Variants in PLPPR1 observed in about 807,000 individuals in gnomAD.
The protein encoded by PLPPR1 is phospholipid phosphatase-related protein type 1.
Under a neutral mutation model 33.1 loss-of-function variants are expected in PLPPR1, and 10 were observed. The ratio of observed to expected loss-of-function variants is 0.30; its 90% CI spans 0.19 to 0.51. The LOEUF is 0.51. Ranked by LOEUF, PLPPR1 falls within the 20% of genes least tolerant of loss-of-function variation. The pLI is 0.97. For synonymous variants in PLPPR1, 151 were observed against 151.0 expected (o/e 1.00, Z 0.00); for missense variants, 304 against 408.1 (o/e 0.74, Z 2.20).
intron 1 of PLPPR1, among the ~76,000 whole-genome samples, chr9:101,134,496 C>T (rs1034687299): frequency 6.6e-6 from 1 of 151,904 alleles, no homozygotes. Flanking sequence ...GATCCTCCTA[C>T]CTCAGCCTCC....
intron 2 of PLPPR1, among the ~76,000 whole-genome samples, chr9:101,200,995 G>C (rs1041260979): frequency 1.3e-5 from 2 of 152,138 alleles, no homozygotes; most frequent in African/African-American, 4.8e-5. Flanking sequence ...ATTTTTCATG[G>C]TTCTGGAGGC....
chr9:101,188,584 T>TAAAG (rs1826243980), intron 2 of PLPPR1, among the ~76,000 whole-genome samples: 1 of 152,058 alleles, frequency 6.6e-6, no homozygotes, highest in Non-Finnish European at 1.5e-5. Flanking sequence ...TTGCCGACTT[T>TAAAG]AAAGAAAATA....
At chr9:101,078,475 T>C (rs567000491) in intron 1 of PLPPR1, among the ~76,000 whole-genome samples, 1 of 152,182 alleles carries the variant, frequency 6.6e-6, no homozygotes, top group South Asian at 2.1e-4. Flanking sequence ...ATCAAATTTG[T>C]GTGTGCTTCT....
At chr9:101,210,245 T>C (rs1175301545) in intron 2 of PLPPR1, among the ~76,000 whole-genome samples, 1 of 152,204 alleles carries the variant, frequency 6.6e-6, no homozygotes, top group African/African-American at 2.4e-5. Flanking sequence ...AAGAAATTAA[T>C]GTAGCCCCTG....
intron 1 of PLPPR1, among the ~76,000 whole-genome samples, chr9:101,159,592 A>G (rs1831746463): frequency 6.6e-6 from 1 of 152,172 alleles, no homozygotes; most frequent in South Asian, 2.1e-4. Context: ...ACACTACTTT[A>G]TTTCTAAATG....
At chr9:101,087,811 C>T (rs1319164624) in intron 1 of PLPPR1, among the ~76,000 whole-genome samples, 2 of 152,126 alleles carry the variant, frequency 1.3e-5, no homozygotes, top group African/African-American at 2.4e-5. Context: ...GTGAGAGTGA[C>T]TATTTGGTAT....
chr9:101,311,198 G>C (rs1401427215), intron 5 of PLPPR1, among the ~76,000 whole-genome samples: 1 of 152,134 alleles, frequency 6.6e-6, no homozygotes, highest in Admixed American at 6.5e-5. Context: ...CAACAAATGA[G>C]ATACGAAGTT....
chr9:101,147,278 C>T (rs1831532393), intron 1 of PLPPR1, among the ~76,000 whole-genome samples: 1 of 152,018 alleles, frequency 6.6e-6, no homozygotes, highest in Admixed American at 6.6e-5. Context: ...AGTAAGGGCT[C>T]CTTGTGAGAA....
At chr9:101,314,398 C>T (rs1432169708) in intron 6 of PLPPR1, among the ~76,000 whole-genome samples, 2 of 152,162 alleles carry the variant, frequency 1.3e-5, no homozygotes, top group Non-Finnish European at 2.9e-5. Context: ...AGACAATGCT[C>T]ACATTCAGAA....
chr9:101,287,315 T>C (rs994042571), intron 4 of PLPPR1, among the ~76,000 whole-genome samples: 1 of 152,220 alleles, frequency 6.6e-6, no homozygotes, highest in African/African-American at 2.4e-5. Flanking sequence ...ATGCCACTAC[T>C]ATCTAGTTCA....
At chr9:101,210,510 C>A (rs957605862) in intron 2 of PLPPR1, among the ~76,000 whole-genome samples, 2 of 152,084 alleles carry the variant, frequency 1.3e-5, no homozygotes, top group African/African-American at 4.8e-5. Flanking sequence ...TTCTTTATGA[C>A]AGACTATAAG....
At chr9:101,217,225 T>TA (rs1276153254) in intron 2 of PLPPR1, among the ~76,000 whole-genome samples, 2 of 151,968 alleles carry the variant, frequency 1.3e-5, no homozygotes, top group East Asian at 1.9e-4. Context: ...TCTATCACAT[T>TA]AAAAAAAATC....
chr9:101,196,972 TTTCCCCAGGC>T (rs1279941671), intron 2 of PLPPR1, among the ~76,000 whole-genome samples: 20 of 152,122 alleles, frequency 1.3e-4, no homozygotes, highest in Non-Finnish European at 4.4e-5. Flanking sequence ...GTAATCTGAG[TTTCCCCAGGC>T]TTCGCCAGTA....
At chr9:101,119,764 C>A (rs1831157321) in intron 1 of PLPPR1, among the ~76,000 whole-genome samples, 1 of 152,202 alleles carries the variant, frequency 6.6e-6, no homozygotes, top group African/African-American at 2.4e-5. Context: ...CCTCAATTGG[C>A]CTTTTTGCCC....
intron 1 of PLPPR1, among the ~76,000 whole-genome samples, chr9:101,118,106 C>T (rs1360044408): frequency 6.6e-6 from 1 of 152,214 alleles, no homozygotes; most frequent in African/African-American, 2.4e-5. Context: ...AGATACAGTG[C>T]AGCTGCTATA....
chr9:101,247,405 G>A (rs533339886), intron 2 of PLPPR1, among the ~76,000 whole-genome samples: 22 of 152,100 alleles, frequency 1.4e-4, no homozygotes, highest in Admixed American at 1.2e-3. Context: ...CATCTGAGAG[G>A]CGAATTTGCA....
chr9:101,102,234 C>G (rs1269143826), intron 1 of PLPPR1, among the ~76,000 whole-genome samples: 2 of 120,728 alleles, frequency 1.7e-5, no homozygotes, highest in South Asian at 3.1e-4. Flanking sequence ...CATGCTGGTG[C>G]GCTGCACCCA....
intron 4 of PLPPR1, among the ~76,000 whole-genome samples, chr9:101,302,763 G>T (rs1041107756): frequency 5.9e-5 from 9 of 152,066 alleles, no homozygotes; most frequent in African/African-American, 1.9e-4. Context: ...CAAAACAGAG[G>T]CCAGAAGCTA....
At chr9:101,319,174 T>A (rs1050931579) in intron 7 of PLPPR1, among the ~76,000 whole-genome samples, 1 of 152,228 alleles carries the variant, frequency 6.6e-6, no homozygotes, top group Admixed American at 6.5e-5. Flanking sequence ...CAAACTACCC[T>A]ATGCTCTTTT....
Sources: allele counts gnomAD v4.1 joint callset (sites outside exome capture counted in the v4.1 genomes callset), GRCh38; gene constraint gnomAD v4.1.1; transcripts MANE v1.5; gene names NCBI Gene and HGNC (gene_info 2026-07-23, HGNC 2026-07-21).